The following SNX7 variants were observed in gnomAD, a reference collection of about 807,000 sequenced individuals.
SNX7 encodes the protein sorting nexin-7.
In SNX7, 35 loss-of-function variants were observed where a neutral mutation model predicts 48.4. That is an observed-to-expected ratio of 0.72 (90% CI 0.55 to 0.96). SNX7 has a LOEUF of 0.96. Among genes scored for constraint, SNX7 ranks in the 40% least tolerant of loss-of-function variants. The pLI, the probability that SNX7 is intolerant of heterozygous loss-of-function variation, is 0.00. For missense variants in SNX7, 553 were observed against 548.9 expected (o/e 1.01, Z -0.07); for synonymous variants, 190 against 190.2 (o/e 1.00, Z 0.01).
At chr1:98,691,723 A>G in intron 4 of SNX7, 24 bp downstream of exon 4, 1 of 1,557,986 alleles carries the variant, frequency 6.4e-7, no homozygotes, top group Non-Finnish European at 8.7e-7. Flanking sequence ...ATTTATACTC[A>G]TATAATCTTT....
intron 8 of SNX7, among the ~76,000 whole-genome samples, chr1:98,740,717 C>T (rs993216): frequency 0.26 from 40,234 of 151,924 alleles, 5,641 homozygotes; most frequent in Middle Eastern, 0.31. Context: ...AAATGAGCAT[C>T]GCTGTGCCAT....
At position 98,748,081 on chromosome 1, in the gene SNX7, A is replaced by T. The variant is rs1026509224; in HGVS notation, c.1278+9692A>T. Among the ~76,000 whole-genome samples the T allele has an allele frequency of 6.5e-4, 97 of 150,316 alleles. 3 individuals carry two copies. The highest frequency in any genetic ancestry group is 1.3e-4 in the Non-Finnish European group (9 of 67,800). On this transcript the variant is annotated intron_variant, in intron 8 of 8. Transcript: ENST00000306121. Reference sequence around the variant, plus strand: ...AACCTCTGCCTCCCAGGTTCAAGCGATTCTCCTGCCTCAGCCTCCTAAGTA... The same window carrying T: ...AACCTCTGCCTCCCAGGTTCAAGCGTTTCTCCTGCCTCAGCCTCCTAAGTA...
intron 7 of SNX7, among the ~76,000 whole-genome samples, chr1:98,734,575 A>T (rs1273253040): frequency 6.6e-6 from 1 of 152,182 alleles, no homozygotes; most frequent in Admixed American, 6.6e-5. Context: ...GCTTATGCAG[A>T]TTAAGTGGAA....
chr1:98,663,252 G>GTTTTTTTTTTTTTTTT lies in SNX7; in HGVS notation c.180+1341_180+1342insTTTTTTTTTTTTTTTT, dbSNP rs1491348958. 1.7e-4 allele frequency among the ~76,000 whole-genome samples: 14 copies of GTTTTTTTTTTTTTTTT among 83,184 alleles called. 6 individuals carry two copies. Among genetic ancestry groups the GTTTTTTTTTTTTTTTT allele is most frequent in the African/African-American group, 2.2e-4 (4 of 18,276 alleles). The allele number at this position is 83,184 out of a possible 152,430, so 54.6% of individuals were successfully genotyped here. A position where few individuals can be genotyped will look rare whatever the true frequency, so the allele number is the denominator to read the frequency against. ...ATCAGAATCATCAGGGTTTCTTTCT[G>GTTTTTTTTTTTTTTTT]GTTTTTTTTTTTTTTTTTTTTTTTT... is the stretch of plus-strand genomic sequence containing the variant. On this transcript the variant is annotated intron_variant, in intron 1 of 8. Coordinates refer to ENST00000306121, the MANE Select transcript of SNX7 (RefSeq NM_015976.5).
At chr1:98,741,778 A>T (rs1289189441) in intron 8 of SNX7, among the ~76,000 whole-genome samples, 1 of 152,156 alleles carries the variant, frequency 6.6e-6, no homozygotes, top group Non-Finnish European at 1.5e-5. Flanking sequence ...GTGCAAAAGA[A>T]TATCTGCTTT....
At chr1:98,676,702 C>T (rs938720503) in intron 1 of SNX7, among the ~76,000 whole-genome samples, 4 of 152,128 alleles carry the variant, frequency 2.6e-5, no homozygotes, top group African/African-American at 9.7e-5. Context: ...ATGATTTCAT[C>T]TTTTTTTCCT....
rs1161684536 is a variant in SNX7, at chr1:98,661,844, C to T, written c.113C>T (p.Ser38Phe). 3 of 1,246,464 alleles carry T rather than the reference C, an allele frequency of 2.4e-6. No individual in the cohort carries two copies. The highest frequency in any genetic ancestry group is 3.0e-6 in the Non-Finnish European group (3 of 987,396). 77.2% of individuals were successfully genotyped at this position (1,246,464 alleles called of 1,614,324 possible). A position where few individuals can be genotyped will look rare whatever the true frequency, so the allele number is the denominator to read the frequency against. Reference protein sequence around the residue: ...GAPFPGSSGSSALLQAEVLDL... With the variant: ...GAPFPGSSGSFALLQAEVLDL... ...CCCTTTCCGGGCAGCAGTGGCTCTT[C>T]CGCCCTGCTGCAGGCGGAGGTGCTG... The change falls in exon 1 of 9, where the codon TCC becomes TTC. Residue 38 changes from serine to phenylalanine, a missense_variant. Physicochemically the swap from Ser to Phe is radical, Grantham distance 155. Transcript: ENST00000306121.
intron 1 of SNX7, among the ~76,000 whole-genome samples, chr1:98,678,057 CT>C (rs1175558137): frequency 6.6e-6 from 1 of 150,874 alleles, no homozygotes; most frequent in East Asian, 2.0e-4. Flanking sequence ...AAAGAAATAC[CT>C]GAGGCTGGGT....
At chr1:98,671,553 A>G (rs1413940885) in intron 1 of SNX7, among the ~76,000 whole-genome samples, 3 of 152,058 alleles carry the variant, frequency 2.0e-5, no homozygotes, top group African/African-American at 7.2e-5. Context: ...AGTATAATTT[A>G]CATACCATAA....
intron 7 of SNX7, among the ~76,000 whole-genome samples, chr1:98,719,594 C>G (rs182313215): frequency 9.9e-5 from 15 of 151,812 alleles, no homozygotes; most frequent in Non-Finnish European, 2.1e-4. Context: ...ACTTCTTATT[C>G]GGGAAATTAG....
intron 1 of SNX7, among the ~76,000 whole-genome samples, chr1:98,669,270 A>G (rs1042522480): frequency 1.3e-5 from 2 of 152,126 alleles, no homozygotes; most frequent in Non-Finnish European, 2.9e-5. Context: ...CCTTTTTGAT[A>G]TCTCTGGAAT....
At chr1:98,739,752 G>A (rs1338378150) in intron 8 of SNX7, among the ~76,000 whole-genome samples, 1 of 152,188 alleles carries the variant, frequency 6.6e-6, no homozygotes. Flanking sequence ...AGAAGGGAGA[G>A]AGAACATGTT....
At position 98,701,918 on chromosome 1, in the gene SNX7, T is replaced by G. The variant is rs1557808204; in HGVS notation, c.1125+15T>G. 1.3e-6 allele frequency: 2 copies of G among 1,563,024 alleles called. No homozygotes were observed. On this transcript the variant is annotated intron_variant, in intron 7 of 8. Transcript: ENST00000306121. ...ATACTGATCTGGTAAGTTTTTAAGT[T>G]TCTTGATACAATCATATAGAATTCA... is the stretch of plus-strand genomic sequence containing the variant.
At chr1:98,696,004 A>G (rs1478075607) in intron 5 of SNX7, among the ~76,000 whole-genome samples, 2 of 152,340 alleles carry the variant, frequency 1.3e-5, no homozygotes, top group East Asian at 1.9e-4. Context: ...TGTATTCAAC[A>G]TGGAACAGAG....
At chr1:98,714,783 C>T (rs1360253969) in intron 7 of SNX7, among the ~76,000 whole-genome samples, 1 of 152,154 alleles carries the variant, frequency 6.6e-6, no homozygotes, top group Non-Finnish European at 1.5e-5. Context: ...AGCACTATGG[C>T]ATGAGGACTG....
chr1:98,729,486 C>G (rs1030644968), intron 7 of SNX7, among the ~76,000 whole-genome samples: 7 of 131,138 alleles, frequency 5.3e-5, no homozygotes, highest in Admixed American at 4.0e-4. Flanking sequence ...ATCAGTGAAT[C>G]CAGGAGCTGA....
At chr1:98,662,051 C>A in intron 1 of SNX7, 140 bp downstream of exon 1, 1 of 949,846 alleles carries the variant, frequency 1.1e-6, no homozygotes, top group Non-Finnish European at 1.4e-6. Context: ...GTCCCCCGGG[C>A]TGCTGGACCC....
intron 7 of SNX7, among the ~76,000 whole-genome samples, chr1:98,727,876 A>G (rs548684745): frequency 2.0e-5 from 3 of 152,244 alleles, no homozygotes; most frequent in South Asian, 2.1e-4. Flanking sequence ...TCCGAGAACT[A>G]TGAGATTATA....
At chr1:98,757,332 G>A (rs2101063705) in intron 8 of SNX7, among the ~76,000 whole-genome samples, 1 of 152,166 alleles carries the variant, frequency 6.6e-6, no homozygotes, top group South Asian at 2.1e-4. Context: ...CTAGAGGCTA[G>A]AAGTCTAAGA....
Sources: gnomAD v4.1 joint callset for allele counts (sites outside exome capture counted in the v4.1 genomes callset) on GRCh38, gnomAD v4.1.1 for gene constraint, MANE v1.5 for transcripts, NCBI Gene and HGNC (gene_info 2026-07-23, HGNC 2026-07-21) for gene names.